The following GORASP2 variants were observed in gnomAD, a reference collection of about 807,000 sequenced individuals.
GORASP2 encodes golgi reassembly stacking protein 2.
GORASP2 carries 22 observed loss-of-function variants against 45.7 expected under a neutral mutation model. The observed-to-expected ratio is 0.48, with a 90% CI of 0.34 to 0.69. The LOEUF (loss-of-function observed/expected upper bound fraction) is 0.69, where lower values mean the gene tolerates loss of function less well. GORASP2 is among the 30% of genes least tolerant of loss of function. GORASP2 has a pLI of 0.01. For missense variants in GORASP2, 491 were observed against 562.7 expected (o/e 0.87, Z 1.29); for synonymous variants, 221 against 215.6 (o/e 1.02, Z -0.22).
In GORASP2 at chr2:170,957,743, A is replaced by C. The variant is rs1396649635; in HGVS notation, c.823+1184A>C. 7.2e-5 allele frequency among the ~76,000 whole-genome samples: 11 copies of C among 152,374 alleles called. No individual in the cohort carries two copies. The East Asian group carries it at 1.9e-3, about 27-fold the overall frequency. ...TTTTTTAGTGTATTTGTAGAGTTGT[A>C]CAACCAATAACCTCAACCAATTTCA... is the stretch of plus-strand genomic sequence containing the variant. On this transcript the variant is annotated intron_variant, in intron 7 of 9. Coordinates refer to ENST00000234160, the MANE Select transcript of GORASP2 (RefSeq NM_015530.5).
chr2:170,959,597 A>G (rs1042102868), intron 7 of GORASP2, among the ~76,000 whole-genome samples: 3 of 152,258 alleles, frequency 2.0e-5, no homozygotes, highest in African/African-American at 4.8e-5. Context: ...ACTTTTCATT[A>G]TATTGCTTGC....
At chr2:170,954,594 T>A in intron 5 of GORASP2, 56 bp from the exon 6 acceptor site, 830 of 1,139,514 alleles carry the variant, frequency 7.3e-4, no homozygotes, top group Non-Finnish European at 9.2e-4. Context: ...AAAAAACACC[T>A]CAAAGAAATA....
chr2:170,947,130 T>C (rs947758995), intron 1 of GORASP2, among the ~76,000 whole-genome samples: 3 of 152,038 alleles, frequency 2.0e-5, no homozygotes, highest in Non-Finnish European at 4.4e-5. Flanking sequence ...CCACCAATAT[T>C]TACACCCTGA....
chr2:170,933,905 T>TA (rs1475025448), intron 1 of GORASP2, among the ~76,000 whole-genome samples: 1 of 152,220 alleles, frequency 6.6e-6, no homozygotes, highest in Non-Finnish European at 1.5e-5. Context: ...AACAGGTTTT[T>TA]ATCTTCTGAG....
intron 7 of GORASP2, 130 bp downstream of exon 7, chr2:170,956,689 C>G (rs1704434485): frequency 4.3e-6 from 3 of 703,224 alleles, no homozygotes; most frequent in Non-Finnish European, 4.5e-6. Context: ...GGCAGGATTG[C>G]TTGAGCTCAG....
intron 7 of GORASP2, among the ~76,000 whole-genome samples, 183 bp downstream of exon 7, chr2:170,956,742 TA>T (rs35604404): frequency 1.9e-4 from 28 of 149,218 alleles, no homozygotes; most frequent in Non-Finnish European, 3.1e-4. Context: ...ACCACGTCTC[TA>T]AAAAAAAAAA....
intron 1 of GORASP2, among the ~76,000 whole-genome samples, chr2:170,930,128 T>G (rs1703784360): frequency 6.6e-6 from 1 of 152,060 alleles, no homozygotes; most frequent in South Asian, 2.1e-4. Flanking sequence ...TGCAGAGAAA[T>G]TTTTTTTAAA....
chr2:170,948,303 T>A, intron 1 of GORASP2, 47 bp from the exon 2 acceptor site: 1 of 1,060,998 alleles, frequency 9.4e-7, no homozygotes, highest in Non-Finnish European at 1.5e-6. Flanking sequence ...CTTACAATTT[T>A]CACCTAAGCT....
chr2:170,929,269 AT>A lies in GORASP2; in HGVS notation c.-70del. Reference sequence around the variant, plus strand: ...CCACGTCCCAAGTGCTACGCGGAGGATTAGAGCAGGCGGTGCGCTGGGGGCG... The same window carrying A: ...CCACGTCCCAAGTGCTACGCGGAGGATAGAGCAGGCGGTGCGCTGGGGGCG... On this transcript the variant is annotated 5_prime_UTR_variant, in exon 1 of 10. Transcript: ENST00000234160. 8.3e-7 allele frequency: 1 copy of A among 1,203,364 alleles called. No individual in the cohort carries two copies. The highest frequency in any genetic ancestry group is 1.1e-6 in the Non-Finnish European group (1 of 930,508). 74.5% of individuals were successfully genotyped at this position (1,203,364 alleles called of 1,614,324 possible).
chr2:170,954,744 G>A lies in GORASP2; in HGVS notation c.661G>A (p.Gly221Ser). ...AATTTCTCTTCCAGGACAAATGGCT[G>A]GTACACCTATTACACCTCTTAAAGA... ...KKISLPGQMAGTPITPLKDGF... is the reference protein window; with the variant it reads ...KKISLPGQMASTPITPLKDGF... Residue 221 changes from glycine (G) to serine (S), a missense_variant, in exon 6 of 10, where the codon GGT (glycine) becomes AGT (serine). Gly to Ser is a moderately conservative substitution (Grantham distance 56). This residue lies in a region of GORASP2 where 297 missense variants were observed against 292.3 expected (regional missense o/e 1.02). Coordinates refer to ENST00000234160, the MANE Select transcript of GORASP2 (RefSeq NM_015530.5). 6.2e-7 allele frequency: 1 copy of A among 1,613,502 alleles called. No homozygotes were observed. Among genetic ancestry groups the A allele is most frequent in the Non-Finnish European group, 8.5e-7 (1 of 1,179,460 alleles).
intron 1 of GORASP2, among the ~76,000 whole-genome samples, chr2:170,942,498 C>T (rs910363217): frequency 6.6e-6 from 1 of 152,182 alleles, no homozygotes; most frequent in Non-Finnish European, 1.5e-5. Context: ...CTGTGACTAG[C>T]TTCTTTCACT....
intron 4 of GORASP2, 102 bp from the exon 5 acceptor site, chr2:170,951,226 T>A (rs1356907585): frequency 1.0e-5 from 9 of 879,658 alleles, no homozygotes; most frequent in Non-Finnish European, 1.2e-5. Flanking sequence ...AGAATCTGTA[T>A]TTTTTTCTTA....
chr2:170,931,225 T>G (rs1247615247), intron 1 of GORASP2, among the ~76,000 whole-genome samples: 1 of 152,092 alleles, frequency 6.6e-6, no homozygotes, highest in Non-Finnish European at 1.5e-5. Context: ...CACGATGAAA[T>G]AATTCTTATT....
chr2:170,937,647 AAGAG>A (rs539518385), intron 1 of GORASP2, among the ~76,000 whole-genome samples: 42 of 152,148 alleles, frequency 2.8e-4, no homozygotes, highest in African/African-American at 9.4e-4. Context: ...AAGAAAAAGA[AAGAG>A]AGAGGGAAGG....
At chr2:170,960,980 C>A (rs1395152836) in intron 7 of GORASP2, among the ~76,000 whole-genome samples, 1 of 152,210 alleles carries the variant, frequency 6.6e-6, no homozygotes, top group African/African-American at 2.4e-5. Context: ...GTTTCGACAT[C>A]AGCAAAACGT....
intron 1 of GORASP2, among the ~76,000 whole-genome samples, chr2:170,946,971 G>T (rs547183366): frequency 6.6e-6 from 1 of 152,098 alleles, no homozygotes; most frequent in South Asian, 2.1e-4. Context: ...ATGAATTTTT[G>T]AGTTTAACTT....
rs1271265215 is a variant in GORASP2, at chr2:170,929,305, C to T, written c.-36C>T. ...CGGTGCGCTGGGGGCGGGAGCAGCG[C>T]GGAGCCCGGCTCGGCCACACCGATC... On this transcript the variant is annotated 5_prime_UTR_variant, in exon 1 of 10. Transcript: ENST00000234160. 2.2e-6 allele frequency: 3 copies of T among 1,336,724 alleles called. No individual in the cohort carries two copies. The highest frequency in any genetic ancestry group is 6.2e-5 in the East Asian group (2 of 32,222). 82.8% of individuals were successfully genotyped at this position (1,336,724 alleles called of 1,614,324 possible).
chr2:170,948,181 G>A (rs914802412), intron 1 of GORASP2, among the ~76,000 whole-genome samples, 169 bp from the exon 2 acceptor site: 28 of 152,114 alleles, frequency 1.8e-4, no homozygotes, highest in Non-Finnish European at 3.1e-4. Context: ...GTAGAGTTTA[G>A]GGAGCTGGAC....
In GORASP2 at chr2:170,934,855, AG is replaced by A. The variant is rs942329938; in HGVS notation, c.63+5453del. Among the ~76,000 whole-genome samples, 49 of 151,976 alleles carry A rather than the reference AG, an allele frequency of 3.2e-4. 1 individual carries two copies. The highest frequency in any genetic ancestry group is 1.1e-3 in the African/African-American group (47 of 41,334). On this transcript the variant is annotated intron_variant, in intron 1 of 9. Coordinates refer to ENST00000234160, the MANE Select transcript of GORASP2 (RefSeq NM_015530.5). Reference sequence around the variant, plus strand: ...GAAGTCCAAGCAATTCTCCTGCCTCAGCCTCCAGAGTGGCTGGGATTACAGG... The same window carrying A: ...GAAGTCCAAGCAATTCTCCTGCCTCACCTCCAGAGTGGCTGGGATTACAGG...
Sources: allele counts gnomAD v4.1 joint callset (sites outside exome capture counted in the v4.1 genomes callset), GRCh38; gene constraint gnomAD v4.1.1; regional missense constraint gnomAD v4.1.1; transcripts MANE v1.5; gene names NCBI Gene and HGNC (gene_info 2026-07-23, HGNC 2026-07-21).